The following MAGI2 variants were observed in gnomAD, a reference collection of about 807,000 sequenced individuals.
The protein encoded by MAGI2 is membrane associated guanylate kinase, WW and PDZ domain containing 2, also known as membrane-associated guanylate kinase, WW and PDZ domain-containing protein 2.
Under a neutral mutation model 133.3 loss-of-function variants are expected in MAGI2, and 35 were observed. The observed-to-expected ratio is 0.26, with a 90% CI of 0.20 to 0.35. The LOEUF (loss-of-function observed/expected upper bound fraction) is 0.35. MAGI2 is among the 10% of genes least tolerant of loss of function. The pLI, the probability that MAGI2 is intolerant of heterozygous loss-of-function variation, is 1.00. For synonymous variants in MAGI2, 729 were observed against 710.6 expected, an observed-to-expected ratio of 1.03 and a Z score of -0.41; for missense variants, 1,636 against 1,863.4, an observed-to-expected ratio of 0.88 and a Z score of 2.25.
At chr7:78,328,858 G>T (rs1244930902) in intron 9 of MAGI2, among the ~76,000 whole-genome samples, 1 of 152,098 alleles carries the variant, frequency 6.6e-6, no homozygotes, top group Non-Finnish European at 1.5e-5. Flanking sequence ...GAAGTAAGAG[G>T]AGTGAAAATA....
At chr7:78,038,196 T>C (rs2151078226) in intron 21 of MAGI2, among the ~76,000 whole-genome samples, 1 of 152,334 alleles carries the variant, frequency 6.6e-6, no homozygotes, top group African/African-American at 2.4e-5. Flanking sequence ...TTTCAGCCCC[T>C]AACACAGTGC....
chr7:78,918,735 A>G (rs986059562), intron 2 of MAGI2, among the ~76,000 whole-genome samples: 15 of 152,138 alleles, frequency 9.9e-5, no homozygotes, highest in African/African-American at 3.1e-4. Flanking sequence ...TGTAAAAGAG[A>G]TTAATTATTA....
intron 2 of MAGI2, among the ~76,000 whole-genome samples, chr7:78,813,785 C>CAAAAAAAA (rs36107160): frequency 2.1e-5 from 2 of 96,798 alleles, no homozygotes; most frequent in African/African-American, 8.2e-5. Flanking sequence ...GATTCTGTCT[C>CAAAAAAAA]AAAAAAAAAA....
intron 1 of MAGI2, among the ~76,000 whole-genome samples, chr7:79,434,009 T>A (rs911800737): frequency 2.6e-5 from 4 of 152,196 alleles, no homozygotes; most frequent in Non-Finnish European, 5.9e-5. Context: ...TAATTTACGA[T>A]GAACTGCTTA....
chr7:78,940,586 T>G (rs544652581), intron 2 of MAGI2: 1 of 152,286 alleles, frequency 6.6e-6, no homozygotes, highest in Non-Finnish European at 1.5e-5. Flanking sequence ...GCTTCTGAAT[T>G]AATGATGAAT....
At chr7:79,032,862 T>C (rs1367554280) in intron 1 of MAGI2, among the ~76,000 whole-genome samples, 1 of 123,318 alleles carries the variant, frequency 8.1e-6, no homozygotes, top group Non-Finnish European at 1.7e-5. Context: ...CACTGTAACA[T>C]TTCCAGAGGT....
At chr7:79,270,688 T>G (rs183832384) in intron 1 of MAGI2, among the ~76,000 whole-genome samples, 19 of 152,228 alleles carry the variant, frequency 1.2e-4, no homozygotes, top group Admixed American at 1.2e-3. Context: ...ATCTCTGCCA[T>G]TAATTAGCTA....
At chr7:78,388,868 C>A (rs770630040) in intron 6 of MAGI2, among the ~76,000 whole-genome samples, 1 of 152,104 alleles carries the variant, frequency 6.6e-6, no homozygotes, top group Non-Finnish European at 1.5e-5. Context: ...GTCGGTACTA[C>A]AAATATAGTC....
chr7:79,389,087 TTC>T (rs1844415333), intron 1 of MAGI2, among the ~76,000 whole-genome samples: 4 of 151,966 alleles, frequency 2.6e-5, no homozygotes, highest in African/African-American at 9.7e-5. Flanking sequence ...ATCTTAAGAT[TTC>T]TTGAGATGTT....
At chr7:78,488,290 G>A (rs1449258622) in intron 6 of MAGI2, among the ~76,000 whole-genome samples, 1 of 151,968 alleles carries the variant, frequency 6.6e-6, no homozygotes, top group Non-Finnish European at 1.5e-5. Flanking sequence ...AAATAACATT[G>A]AAATATTATA....
intron 9 of MAGI2, among the ~76,000 whole-genome samples, chr7:78,276,203 TA>T (rs1303515004): frequency 6.6e-6 from 1 of 152,206 alleles, no homozygotes; most frequent in African/African-American, 2.4e-5. Flanking sequence ...TCCTTCAGCA[TA>T]AAATGCTTGA....
intron 6 of MAGI2, among the ~76,000 whole-genome samples, chr7:78,454,174 A>G (rs990174755): frequency 1.3e-5 from 2 of 152,174 alleles, no homozygotes; most frequent in African/African-American, 4.8e-5. Flanking sequence ...ACTCCATCGC[A>G]TGAGTAGGAA....
chr7:78,644,444 C>T (rs1226778413), intron 2 of MAGI2, among the ~76,000 whole-genome samples: 2 of 152,054 alleles, frequency 1.3e-5, no homozygotes, highest in South Asian at 2.1e-4. Flanking sequence ...ATACAAGACA[C>T]ATCATAAAAA....
intron 2 of MAGI2, among the ~76,000 whole-genome samples, chr7:78,721,581 T>C (rs1322599574): frequency 6.6e-6 from 1 of 152,016 alleles, no homozygotes; most frequent in Non-Finnish European, 1.5e-5. Context: ...GTGCTTATCT[T>C]GAAATTAAAT....
Position 78,343,233 on chromosome 7 carries a change from A to G in MAGI2, c.1408+545T>C, listed in dbSNP as rs140360182. 5.6e-3 allele frequency among the ~76,000 whole-genome samples: 859 copies of G among 152,278 alleles called. 14 individuals are homozygous for G. The highest frequency in any genetic ancestry group is 0.02 in the African/African-American group (822 of 41,564). ...TCCACAAGAAATAAATTTCAGTTGT[A>G]ATTTGAGTAGACATCTGAGTAATTA... is the stretch of plus-strand genomic sequence containing the variant. On this transcript the variant is annotated intron_variant, in intron 9 of 21. Coordinates refer to ENST00000354212, the MANE Select transcript of MAGI2 (RefSeq NM_012301.4).
rs869196799 is a variant in MAGI2 at position 78,552,176 on chromosome 7, C to CTTT, written c.539-30534_539-30532dup. ...GACTTTTAGGTAGACATTTGTTTTC[C>CTTT]TTTTTTTTTTTTTTTTTTTTTTTTG... On this transcript the variant is annotated intron_variant, in intron 3 of 21. Transcript: ENST00000354212. 5.4e-3 allele frequency among the ~76,000 whole-genome samples: 486 copies of CTTT among 90,248 alleles called. 5 individuals carry two copies. The highest frequency in any genetic ancestry group is 0.011 in the East Asian group (28 of 2,612). 59.2% of individuals were successfully genotyped at this position (90,248 alleles called of 152,430 possible).
intron 1 of MAGI2, among the ~76,000 whole-genome samples, chr7:79,423,317 G>C (rs897133717): frequency 6.6e-6 from 1 of 151,964 alleles, no homozygotes; most frequent in Non-Finnish European, 1.5e-5. Context: ...TAGAGATAAA[G>C]ACACAGATAC....
chr7:78,071,529 C>G (rs1432529823), intron 21 of MAGI2, among the ~76,000 whole-genome samples: 3 of 151,800 alleles, frequency 2.0e-5, no homozygotes, highest in Non-Finnish European at 4.4e-5. Context: ...AGAGCCAGAC[C>G]CTGTCCCCGC....
intron 21 of MAGI2, among the ~76,000 whole-genome samples, chr7:78,023,923 G>T (rs1808661458): frequency 6.6e-6 from 1 of 152,196 alleles, no homozygotes; most frequent in South Asian, 2.1e-4. Flanking sequence ...CTTACATTGT[G>T]CTGGGTATTA....
Sources: gnomAD v4.1 joint callset for allele counts (sites outside exome capture counted in the v4.1 genomes callset) on GRCh38, gnomAD v4.1.1 for gene constraint, MANE v1.5 for transcripts, NCBI Gene and HGNC (gene_info 2026-07-23, HGNC 2026-07-21) for gene names.